Variants in CHCHD6 observed in about 807,000 individuals in gnomAD.
The protein encoded by CHCHD6 is coiled-coil-helix-coiled-coil-helix domain containing 6.
CHCHD6 carries 28 observed loss-of-function variants against 32.3 expected under a neutral mutation model. That is an observed-to-expected ratio of 0.87 (90% CI 0.64 to 1.19). CHCHD6 has a LOEUF of 1.19. Among genes scored for constraint, CHCHD6 ranks in the 50% most tolerant of loss-of-function variants. CHCHD6 has a pLI of 0.00. For synonymous variants in CHCHD6, 122 were observed against 117.5 expected (o/e 1.04, Z -0.25); for missense variants, 333 against 307.0 (o/e 1.08, Z -0.63).
chr3:126,864,221 C>G (rs561948508), intron 5 of CHCHD6, among the ~76,000 whole-genome samples: 177 of 148,588 alleles, frequency 1.2e-3, no homozygotes, highest in African/African-American at 4.2e-3. Context: ...CATCCTCCAC[C>G]ATTATCATCA....
intron 4 of CHCHD6, among the ~76,000 whole-genome samples, chr3:126,741,368 G>T (rs1178698004): frequency 6.6e-6 from 1 of 151,222 alleles, no homozygotes; most frequent in African/African-American, 2.4e-5. Context: ...AGGATGTGGA[G>T]TCAAGAAACA....
intron 5 of CHCHD6, among the ~76,000 whole-genome samples, chr3:126,893,906 G>A (rs969821890): frequency 1.3e-5 from 2 of 152,214 alleles, no homozygotes; most frequent in Admixed American, 1.3e-4. Context: ...ACTCCAGAAG[G>A]GATGGTGATT....
intron 5 of CHCHD6, among the ~76,000 whole-genome samples, chr3:126,899,842 C>T (rs2077896951): frequency 6.6e-6 from 1 of 152,212 alleles, no homozygotes; most frequent in Non-Finnish European, 1.5e-5. Context: ...AGATGGAAAT[C>T]ACCAAATTTG....
chr3:126,806,172 A>C (rs1434767255), intron 4 of CHCHD6, among the ~76,000 whole-genome samples: 2 of 151,942 alleles, frequency 1.3e-5, no homozygotes, highest in Non-Finnish European at 2.9e-5. Context: ...CACCAAAAGC[A>C]ATGGCAACAA....
At chr3:126,945,920 G>A (rs1480933737) in intron 6 of CHCHD6, among the ~76,000 whole-genome samples, 4 of 152,026 alleles carry the variant, frequency 2.6e-5, no homozygotes, top group Non-Finnish European at 5.9e-5. Flanking sequence ...GACAGGGGGT[G>A]GGGAACAGGC....
At chr3:126,862,276 T>A (rs1941937732) in intron 5 of CHCHD6, among the ~76,000 whole-genome samples, 1 of 119,514 alleles carries the variant, frequency 8.4e-6, no homozygotes, top group East Asian at 2.9e-4. Context: ...CTCCTCCTCC[T>A]CTACCATCAC....
chr3:126,877,399 C>T (rs2077553022), intron 5 of CHCHD6, among the ~76,000 whole-genome samples: 1 of 151,962 alleles, frequency 6.6e-6, no homozygotes, highest in Non-Finnish European at 1.5e-5. Context: ...ACTAAAAATA[C>T]AAAAAATTAG....
chr3:126,714,075 T>TAAAA (rs1230261284), intron 1 of CHCHD6, among the ~76,000 whole-genome samples: 1 of 37,302 alleles, frequency 2.7e-5, no homozygotes, highest in African/African-American at 2.2e-4. Context: ...AGACTGCATC[T>TAAAA]CAAAAAAAAA....
rs766346383 is a variant in CHCHD6 at position 126,713,487 on chromosome 3, C to T, written c.87+9088C>T. On this transcript the variant is annotated intron_variant, in intron 1 of 7. Coordinates refer to ENST00000290913, the MANE Select transcript of CHCHD6 (RefSeq NM_032343.3). Reference sequence around the variant, plus strand: ...GCGCCTCCCTGCAGGGACACTTGATCCTGCGGGACCCTAAGCTGCTTCATG... The same window carrying T: ...GCGCCTCCCTGCAGGGACACTTGATTCTGCGGGACCCTAAGCTGCTTCATG... Among the ~76,000 whole-genome samples the T allele has an allele frequency of 2.0e-5, 3 of 152,186 alleles. No individual in the cohort carries two copies. The East Asian group carries it at 5.8e-4, about 29-fold the overall frequency.
At chr3:126,862,379 C>A (rs1336424485) in intron 5 of CHCHD6, among the ~76,000 whole-genome samples, 10 of 136,758 alleles carry the variant, frequency 7.3e-5, no homozygotes, top group African/African-American at 2.8e-4. Context: ...ACCACCATCA[C>A]CACCTCCTCC....
chr3:126,877,338 G>A (rs754563755), intron 5 of CHCHD6, among the ~76,000 whole-genome samples: 6 of 152,106 alleles, frequency 3.9e-5, no homozygotes, highest in East Asian at 3.9e-4. Context: ...GGTGGATCAC[G>A]AGGTCAGGAG....
chr3:126,924,647 T>C (rs2078297889), intron 6 of CHCHD6, among the ~76,000 whole-genome samples: 1 of 152,220 alleles, frequency 6.6e-6, no homozygotes, highest in African/African-American at 2.4e-5. Context: ...GGGCTTGGCT[T>C]CTGACCCTCT....
At chr3:126,873,423 G>C (rs985274057) in intron 5 of CHCHD6, among the ~76,000 whole-genome samples, 1 of 152,230 alleles carries the variant, frequency 6.6e-6, no homozygotes, top group Non-Finnish European at 1.5e-5. Context: ...TTTTGGCAGA[G>C]TAAGAGCTGA....
At chr3:126,709,938 C>A (rs185534125) in intron 1 of CHCHD6, among the ~76,000 whole-genome samples, 42 of 152,322 alleles carry the variant, frequency 2.8e-4, no homozygotes, top group East Asian at 2.1e-3. Context: ...TGAGCATCCT[C>A]AGATATTGGT....
intron 7 of CHCHD6, 57 bp downstream of exon 7, chr3:126,957,608 C>T (rs2078805029): frequency 1.3e-6 from 2 of 1,533,068 alleles, no homozygotes. Flanking sequence ...GGCGAGGTAC[C>T]TCTATCTAGC....
At chr3:126,941,585 A>T (rs1341586222) in intron 6 of CHCHD6, among the ~76,000 whole-genome samples, 1 of 152,198 alleles carries the variant, frequency 6.6e-6, no homozygotes, top group Non-Finnish European at 1.5e-5. Flanking sequence ...CGTCCTTTTG[A>T]GTACATCCAG....
intron 6 of CHCHD6, among the ~76,000 whole-genome samples, chr3:126,939,679 C>T (rs549601234): frequency 7.9e-4 from 121 of 152,304 alleles, no homozygotes; most frequent in African/African-American, 2.8e-3. Flanking sequence ...CAAGATGGGA[C>T]GCCAAAATAA....
intron 5 of CHCHD6, among the ~76,000 whole-genome samples, chr3:126,874,695 C>T (rs1489293480): frequency 6.6e-6 from 1 of 152,212 alleles, no homozygotes; most frequent in Non-Finnish European, 1.5e-5. Flanking sequence ...TCCATCCATA[C>T]TGCCCCGTCA....
Position 126,825,847 on chromosome 3 carries a change from A to G in CHCHD6, c.412-26800A>G, listed in dbSNP as rs577537463. ...CTCTTCTTTTCAATTTGGTCTAACA[A>G]CCTGTGGGTTACCATTTCCAGAACG... On this transcript the variant is annotated intron_variant, in intron 4 of 7. Transcript: ENST00000290913. Among the ~76,000 whole-genome samples the G allele has an allele frequency of 1.9e-3, 292 of 152,128 alleles. 1 individual carries two copies. Among genetic ancestry groups the G allele is most frequent in the African/African-American group, 6.6e-3 (272 of 41,510 alleles).
Sources: gnomAD v4.1 joint callset for allele counts (sites outside exome capture counted in the v4.1 genomes callset) on GRCh38, gnomAD v4.1.1 for gene constraint, MANE v1.5 for transcripts, NCBI Gene and HGNC (gene_info 2026-07-23, HGNC 2026-07-21) for gene names.